XIRP2: variants seen among roughly 807,000 people sequenced by gnomAD.
The protein encoded by XIRP2 is xin actin binding repeat containing 2.
Under a neutral mutation model 277.0 loss-of-function variants are expected in XIRP2, and 236 were observed. The observed-to-expected ratio is 0.85, with a 90% CI of 0.77 to 0.95. XIRP2 has a LOEUF of 0.95. Ranked by LOEUF, XIRP2 falls within the 40% of genes least tolerant of loss-of-function variation. The pLI, the probability that XIRP2 is intolerant of heterozygous loss-of-function variation, is 0.00. For synonymous variants in XIRP2, 1,490 were observed against 1,416.5 expected, an observed-to-expected ratio of 1.05 and a Z score of -1.17; for missense variants, 4,640 against 4,157.5, an observed-to-expected ratio of 1.12 and a Z score of -3.19.
chr2:166,931,541 A>T (rs980199345), intron 2 of XIRP2, among the ~76,000 whole-genome samples: 3 of 152,008 alleles, frequency 2.0e-5, no homozygotes, highest in Non-Finnish European at 4.4e-5. Flanking sequence ...TTTTGTGTCT[A>T]TTTTTTCACT....
chr2:167,078,017 T>G (rs993061659), intron 2 of XIRP2, among the ~76,000 whole-genome samples: 1 of 152,252 alleles, frequency 6.6e-6, no homozygotes, highest in South Asian at 2.1e-4. Context: ...CTTTGAAAAA[T>G]GACGTTAGTA....
At position 167,221,346 on chromosome 2, in the gene XIRP2, C is replaced by A. The variant is rs141819592; in HGVS notation, c.858+3046C>A. On this transcript the variant is annotated intron_variant, in intron 5 of 10. Transcript: ENST00000409195. ...AGGTGTGGTGGCGTATGCCTGTAAT[C>A]CCAGCTACTGGGAGGCTGAGGCAGA... Among the ~76,000 whole-genome samples the A allele has an allele frequency of 1.2e-4, 18 of 151,810 alleles. No individual in the cohort carries two copies. The East Asian group carries it at 3.5e-3, about 30-fold the overall frequency.
intron 7 of XIRP2, 126 bp from the exon 8 acceptor site, chr2:167,241,651 C>G (rs1294494758): frequency 9.1e-7 from 1 of 1,100,646 alleles, no homozygotes; most frequent in Non-Finnish European, 1.2e-6. Context: ...CTCAAGTAAT[C>G]TTCGCACCTC....
chr2:167,248,806 A>G lies in XIRP2; in HGVS notation c.7414A>G (p.Ser2472Gly), dbSNP rs376547600. Residue 2472 changes from serine to glycine, a missense_variant, in exon 9 of 11, where the codon AGT (serine) becomes GGT (glycine). By Grantham distance (56) the Ser-to-Gly change is moderately conservative. Coordinates refer to ENST00000409195, the MANE Select transcript of XIRP2 (RefSeq NM_152381.6). The part of the protein sequence containing the change: ...DQKKVMVMTS[S>G]EHTETKQNVI... ...GAAAAAAGTAATGGTGATGACCAGCAGTGAACACACGGAGACAAAGCAGAA... is the reference window on the plus strand; with the variant it reads ...GAAAAAAGTAATGGTGATGACCAGCGGTGAACACACGGAGACAAAGCAGAA... 9.9e-6 allele frequency: 16 copies of G among 1,613,674 alleles called. No homozygotes were observed. Among genetic ancestry groups the G allele is most frequent in the African/African-American group, 2.7e-5 (2 of 74,888 alleles).
At position 167,249,879 on chromosome 2, in the gene XIRP2, T is replaced by C. The variant is rs1431213928; in HGVS notation, c.8487T>C (p.Gly2829=). The C allele has an allele frequency of 6.2e-7, 1 of 1,613,360 alleles. No homozygotes were observed. The highest frequency in any genetic ancestry group is 8.5e-7 in the Non-Finnish European group (1 of 1,179,694). ...EEKNQGPSMI[G]RKEERLITER... ...AAAATCAGGGACCATCAATGATTGG[T>C]CGAAAAGAAGAGAGATTAATAACTG... is the stretch of plus-strand genomic sequence containing the variant. Residue 2829 remains glycine, a synonymous_variant, in exon 9 of 11, where the codon GGT becomes GGC. Transcript: ENST00000409195.
At chr2:167,120,856 G>A (rs1187959205) in intron 2 of XIRP2, among the ~76,000 whole-genome samples, 5 of 152,056 alleles carry the variant, frequency 3.3e-5, no homozygotes, top group Non-Finnish European at 7.4e-5. Flanking sequence ...TACACTACTC[G>A]AGAAATCTCT....
At chr2:166,989,239 C>T in intron 2 of XIRP2, among the ~76,000 whole-genome samples, 1 of 82,058 alleles carries the variant, frequency 1.2e-5, no homozygotes, top group South Asian at 5.8e-4. Flanking sequence ...CAGGGTATTC[C>T]AACAGACCTG....
intron 2 of XIRP2, among the ~76,000 whole-genome samples, chr2:167,013,479 A>G (rs923658761): frequency 6.6e-6 from 1 of 151,472 alleles, no homozygotes; most frequent in Non-Finnish European, 1.5e-5. Context: ...TGCATTTTTA[A>G]TAAGATCCCA....
At chr2:167,006,639 G>A (rs1687511217) in intron 2 of XIRP2, among the ~76,000 whole-genome samples, 2 of 151,724 alleles carry the variant, frequency 1.3e-5, no homozygotes, top group South Asian at 4.1e-4. Flanking sequence ...AGCCAGAGAA[G>A]AACATGTAAA....
At chr2:167,025,822 G>T (rs1688135978) in intron 2 of XIRP2, among the ~76,000 whole-genome samples, 1 of 152,082 alleles carries the variant, frequency 6.6e-6, no homozygotes. Context: ...CTGAGAGACA[G>T]TTTGTTATAA....
intron 2 of XIRP2, among the ~76,000 whole-genome samples, chr2:167,051,079 C>T (rs1399668679): frequency 6.6e-6 from 1 of 151,974 alleles, no homozygotes; most frequent in Non-Finnish European, 1.5e-5. Context: ...CTTTTGTAGC[C>T]ATATTCCATA....
chr2:167,024,990 C>T (rs1688108602), intron 2 of XIRP2, among the ~76,000 whole-genome samples: 1 of 152,038 alleles, frequency 6.6e-6, no homozygotes, highest in Non-Finnish European at 1.5e-5. Context: ...GGGAGGATTC[C>T]CTCTTTTTCT....
rs760363713 is a variant in XIRP2, at chr2:167,248,127, T to C, written c.6735T>C (p.Asp2245=). 3 of 1,613,452 alleles carry C rather than the reference T, an allele frequency of 1.9e-6. No individual in the cohort carries two copies. The highest frequency in any genetic ancestry group is 2.2e-5 in the East Asian group (1 of 44,832). ...FKATNKKRET[D]VHLKSQDFLM... Reference sequence around the variant, plus strand: ...CAACCAACAAAAAGCGGGAGACTGATGTTCACTTGAAAAGCCAGGACTTTC... The same window carrying C: ...CAACCAACAAAAAGCGGGAGACTGACGTTCACTTGAAAAGCCAGGACTTTC... The change falls in exon 9 of 11, where the codon GAT becomes GAC. Residue 2245 remains aspartate, a synonymous_variant. Coordinates refer to ENST00000409195, the MANE Select transcript of XIRP2 (RefSeq NM_152381.6).
chr2:166,932,511 A>G (rs1205230310), intron 2 of XIRP2, among the ~76,000 whole-genome samples: 1 of 152,118 alleles, frequency 6.6e-6, no homozygotes, highest in Non-Finnish European at 1.5e-5. Context: ...CATGGCATCC[A>G]GCCCATACGC....
At chr2:167,030,488 G>T (rs952637431) in intron 2 of XIRP2, among the ~76,000 whole-genome samples, 1 of 152,078 alleles carries the variant, frequency 6.6e-6, no homozygotes, top group African/African-American at 2.4e-5. Flanking sequence ...AGTCATTCAG[G>T]AGCAGGTTGT....
At chr2:166,943,934 A>G (rs1215599408) in intron 2 of XIRP2, among the ~76,000 whole-genome samples, 1 of 152,258 alleles carries the variant, frequency 6.6e-6, no homozygotes, top group East Asian at 1.9e-4. Flanking sequence ...CTCCAAAAAT[A>G]CTCCTTAGCA....
intron 2 of XIRP2, among the ~76,000 whole-genome samples, chr2:166,912,412 C>G (rs183337739): frequency 6.6e-6 from 1 of 152,214 alleles, no homozygotes. Flanking sequence ...GCTATTGAAG[C>G]TTGTGCATTC....
chr2:166,898,893 A>T (rs920745075), intron 1 of XIRP2, among the ~76,000 whole-genome samples: 1 of 152,064 alleles, frequency 6.6e-6, no homozygotes, highest in Non-Finnish European at 1.5e-5. Context: ...ACCTTTTGAG[A>T]TTGGCTTTTT....
At chr2:167,007,153 T>C (rs1877191) in intron 2 of XIRP2, among the ~76,000 whole-genome samples, 21,058 of 151,620 alleles carry the variant, frequency 0.14, 1,991 homozygotes, top group East Asian at 0.45. Context: ...TACCTAATTA[T>C]GTACAAAAGA....
Sources: allele counts gnomAD v4.1 joint callset (sites outside exome capture counted in the v4.1 genomes callset), GRCh38; gene constraint gnomAD v4.1.1; transcripts MANE v1.5; gene names NCBI Gene and HGNC (gene_info 2026-07-23, HGNC 2026-07-21).